Variants in ALCAM observed in about 807,000 individuals in gnomAD.
The protein encoded by ALCAM is activated leukocyte cell adhesion molecule.
A neutral mutation model predicts 70.9 loss-of-function variants in ALCAM; 30 were observed. The ratio of observed to expected loss-of-function variants is 0.42; its 90% confidence interval spans 0.32 to 0.57. The LOEUF is 0.57. Among genes scored for constraint, ALCAM ranks in the 20% least tolerant of loss-of-function variants. The pLI, the probability that ALCAM is intolerant of heterozygous loss-of-function variation, is 0.11. For missense variants in ALCAM, 591 were observed against 695.1 expected, an observed-to-expected ratio of 0.85 and a Z score of 1.68; for synonymous variants, 249 against 242.5, an observed-to-expected ratio of 1.03 and a Z score of -0.25.
intron 1 of ALCAM, among the ~76,000 whole-genome samples, chr3:105,434,616 A>C (rs1434712031): frequency 6.6e-6 from 1 of 152,120 alleles, no homozygotes; most frequent in Non-Finnish European, 1.5e-5. Flanking sequence ...AAAGTAATTC[A>C]TAGACCTGTT....
chr3:105,568,058 ATTTTATT>A (rs1940783561), intron 14 of ALCAM, among the ~76,000 whole-genome samples: 1 of 116,246 alleles, frequency 8.6e-6, no homozygotes, highest in Non-Finnish European at 1.8e-5. Context: ...ATTTTATTTT[ATTTTATT>A]TTTTTTTTTT....
At chr3:105,397,420 A>G (rs566576687) in intron 1 of ALCAM, among the ~76,000 whole-genome samples, 4 of 152,086 alleles carry the variant, frequency 2.6e-5, no homozygotes, top group Non-Finnish European at 5.9e-5. Flanking sequence ...AATAACAAAA[A>G]GTGATAACTC....
intron 1 of ALCAM, among the ~76,000 whole-genome samples, chr3:105,387,190 A>G (rs990747832): frequency 1.3e-5 from 2 of 151,412 alleles, no homozygotes; most frequent in Admixed American, 1.3e-4. Context: ...GCTATAGGGA[A>G]GGGCAGGCGG....
At position 105,367,337 on chromosome 3, in the gene ALCAM, C is replaced by T; in HGVS notation, c.-72C>T. On this transcript the variant is annotated 5_prime_UTR_variant, in exon 1 of 16. Coordinates refer to ENST00000306107, the MANE Select transcript of ALCAM (RefSeq NM_001627.4). ...TCGGGACCCGCCAGCGCGCGGGCACCGCGGGGCCCGGGACGACGCCCCCTC... is the reference window on the plus strand; with the variant it reads ...TCGGGACCCGCCAGCGCGCGGGCACTGCGGGGCCCGGGACGACGCCCCCTC... 2.6e-6 allele frequency: 4 copies of T among 1,546,018 alleles called. No individual in the cohort carries two copies. The South Asian group carries it at 3.4e-5, about 13-fold the overall frequency.
At chr3:105,496,446 A>G (rs992742403) in intron 1 of ALCAM, among the ~76,000 whole-genome samples, 1 of 152,172 alleles carries the variant, frequency 6.6e-6, no homozygotes, top group Admixed American at 6.5e-5. Flanking sequence ...ATAAGGATGG[A>G]GGGAAAGAGG....
intron 2 of ALCAM, among the ~76,000 whole-genome samples, chr3:105,523,887 T>C (rs541294146): frequency 6.6e-6 from 1 of 152,344 alleles, no homozygotes; most frequent in South Asian, 2.1e-4. Context: ...CAAAGATAAT[T>C]GCCCAAAATA....
chr3:105,524,156 G>A, intron 2 of ALCAM, 133 bp from the exon 3 acceptor site: 1 of 751,552 alleles, frequency 1.3e-6, no homozygotes. Flanking sequence ...CGTGAGACTT[G>A]TATAAAAATT....
chr3:105,528,475 A>G (rs1326280260), intron 3 of ALCAM, among the ~76,000 whole-genome samples: 1 of 152,202 alleles, frequency 6.6e-6, no homozygotes, highest in Non-Finnish European at 1.5e-5. Context: ...GTAGAGGGAA[A>G]AGTAAGGGCA....
At chr3:105,510,699 G>C (rs1399260049) in intron 1 of ALCAM, among the ~76,000 whole-genome samples, 1 of 152,018 alleles carries the variant, frequency 6.6e-6, no homozygotes, top group East Asian at 1.9e-4. Context: ...TCATGTTCGA[G>C]TTCCTGTGTA....
intron 9 of ALCAM, among the ~76,000 whole-genome samples, chr3:105,545,907 G>C (rs575274548): frequency 1.3e-5 from 2 of 151,444 alleles, no homozygotes; most frequent in African/African-American, 4.8e-5. Flanking sequence ...CTGGATCAAG[G>C]GCTCCTAGAA....
intron 1 of ALCAM, among the ~76,000 whole-genome samples, chr3:105,412,193 T>C (rs1253096168): frequency 1.3e-5 from 2 of 152,084 alleles, no homozygotes; most frequent in Non-Finnish European, 2.9e-5. Context: ...GTTTAATATA[T>C]TAGAATGGGA....
intron 1 of ALCAM, among the ~76,000 whole-genome samples, chr3:105,508,708 A>T (rs1939148263): frequency 6.6e-6 from 1 of 152,142 alleles, no homozygotes; most frequent in Non-Finnish European, 1.5e-5. Flanking sequence ...CTCTCCTCAC[A>T]TAGTTATCAT....
At chr3:105,505,177 C>T (rs1303123091) in intron 1 of ALCAM, among the ~76,000 whole-genome samples, 2 of 152,042 alleles carry the variant, frequency 1.3e-5, no homozygotes, top group Non-Finnish European at 2.9e-5. Context: ...TGTATTAGAC[C>T]GTCCTCTCAT....
intron 1 of ALCAM, among the ~76,000 whole-genome samples, chr3:105,491,958 G>A (rs977336742): frequency 6.6e-6 from 1 of 152,012 alleles, no homozygotes; most frequent in Admixed American, 6.6e-5. Flanking sequence ...CCACTACCCG[G>A]TACCAATTTT....
rs960827453 is a variant in ALCAM, at chr3:105,376,205, T to C, written c.73+8724T>C. Among the ~76,000 whole-genome samples, 8 of 152,128 alleles carry C rather than the reference T, an allele frequency of 5.3e-5. 1 individual carries two copies. The South Asian group carries it at 1.5e-3, about 28-fold the overall frequency. ...TTAAAATATGGTAAAAGAAGGGTTG[T>C]TGGAAAAATGAGAATGTTCTTTTGA... On this transcript the variant is annotated intron_variant, in intron 1 of 15. Transcript: ENST00000306107.
Position 105,520,107 on chromosome 3 carries a change from C to A in ALCAM, c.114C>A (p.Thr38=), listed in dbSNP as rs35287569. Residue 38 remains threonine, a synonymous_variant, in exon 2 of 16, where the codon ACC becomes ACA. Transcript: ENST00000306107. ...WYTVNSAYGD[T]IIIPCRLDVP... Reference sequence around the variant, plus strand: ...CTGTAAATTCAGCATATGGAGATACCATTATCATACCTTGCCGACTTGACG... The same window carrying A: ...CTGTAAATTCAGCATATGGAGATACAATTATCATACCTTGCCGACTTGACG... The A allele has an allele frequency of 1.3e-4, 204 of 1,612,612 alleles. 1 individual carries two copies. The African/African-American group carries it at 2.5e-3, about 19-fold the overall frequency.
intron 1 of ALCAM, among the ~76,000 whole-genome samples, chr3:105,402,066 A>G (rs898364770): frequency 8.5e-5 from 13 of 152,200 alleles, no homozygotes; most frequent in African/African-American, 1.9e-4. Flanking sequence ...AGAAATAACA[A>G]TCATGAAGCT....
In ALCAM at chr3:105,418,702, C is replaced by T. The variant is rs144473553; in HGVS notation, c.73+51221C>T. On this transcript the variant is annotated intron_variant, in intron 1 of 15. Transcript: ENST00000306107. ...GTAGTGGGGTGTTTACATCAGAAGA[C>T]TATGACCAAAGTAAAATGAGGGGTG... Among the ~76,000 whole-genome samples, 28 of 151,614 alleles carry T rather than the reference C, an allele frequency of 1.8e-4. No homozygotes were observed. The East Asian group carries it at 4.5e-3, about 24-fold the overall frequency.
At chr3:105,402,494 C>T (rs1048108239) in intron 1 of ALCAM, among the ~76,000 whole-genome samples, 4 of 152,192 alleles carry the variant, frequency 2.6e-5, no homozygotes, top group African/African-American at 9.7e-5. Flanking sequence ...GGCAAATTCT[C>T]AGCCCTGGTC....
Sources: allele counts gnomAD v4.1 joint callset (sites outside exome capture counted in the v4.1 genomes callset), GRCh38; gene constraint gnomAD v4.1.1; transcripts MANE v1.5; gene names NCBI Gene and HGNC (gene_info 2026-07-23, HGNC 2026-07-21).